YTHDF1: variants seen among roughly 807,000 people sequenced by gnomAD.
YTHDF1 encodes the protein YTH N6-methyladenosine RNA binding protein F1.
Under a neutral mutation model 49.1 loss-of-function variants are expected in YTHDF1, and 16 were observed. The observed-to-expected ratio is 0.33, with a 90% CI of 0.22 to 0.49. The LOEUF (loss-of-function observed/expected upper bound fraction) is 0.49, where lower values mean the gene tolerates loss of function less well. Ranked by LOEUF, YTHDF1 falls within the 20% of genes least tolerant of loss-of-function variation. The pLI, the probability that YTHDF1 is intolerant of heterozygous loss-of-function variation, is 0.99. For synonymous variants in YTHDF1, 313 were observed against 290.1 expected, an observed-to-expected ratio of 1.08 and a Z score of -0.80; for missense variants, 621 against 744.3, an observed-to-expected ratio of 0.83 and a Z score of 1.93.
rs575001163 is a variant in YTHDF1 at position 63,206,163 on chromosome 20, C to T, written c.133-2356G>A. On this transcript the variant is annotated intron_variant, in intron 3 of 4. Coordinates refer to ENST00000370339, the MANE Select transcript of YTHDF1 (RefSeq NM_017798.4). ...CCCTCCTCCTCCCATTAGCTGGACA[C>T]GTGCTCCTCAGCAGCGCTGCAATCA... Among the ~76,000 whole-genome samples the T allele has an allele frequency of 3.9e-5, 6 of 152,352 alleles. No individual in the cohort carries two copies. In the East Asian group the frequency reaches 7.7e-4, roughly 20 times the overall value.
intron 3 of YTHDF1, among the ~76,000 whole-genome samples, chr20:63,212,663 C>A (rs2066580708): frequency 6.6e-6 from 1 of 152,206 alleles, no homozygotes; most frequent in Non-Finnish European, 1.5e-5. Context: ...TAGACATAAA[C>A]AGATACCGCT....
intron 4 of YTHDF1, among the ~76,000 whole-genome samples, chr20:63,200,094 C>T (rs937684587): frequency 3.3e-5 from 5 of 152,046 alleles, no homozygotes; most frequent in African/African-American, 1.2e-4. Flanking sequence ...GGCACGGTGG[C>T]TCACACCTGT....
chr20:63,196,102 A>G lies in YTHDF1; in HGVS notation c.*606T>C, dbSNP rs2066491072. On this transcript the variant is annotated 3_prime_UTR_variant, in exon 5 of 5. Coordinates refer to ENST00000370339, the MANE Select transcript of YTHDF1 (RefSeq NM_017798.4). ...AGGGACGGGTGGCTGTTCAGTGGGCAACAGATCTGGAAGGAAAGATTTTCA... is the reference window on the plus strand; with the variant it reads ...AGGGACGGGTGGCTGTTCAGTGGGCGACAGATCTGGAAGGAAAGATTTTCA... 1 of 152,154 alleles carries G rather than the reference A, an allele frequency of 6.6e-6. No homozygotes were observed. The highest frequency in any genetic ancestry group is 1.5e-5 in the Non-Finnish European group (1 of 68,064). The allele number at this position is 152,154 out of a possible 1,614,324, so 9.4% of individuals were successfully genotyped here.
At position 63,196,620 on chromosome 20, in the gene YTHDF1, G is replaced by A. The variant is rs555429707; in HGVS notation, c.*88C>T. On this transcript the variant is annotated 3_prime_UTR_variant, in exon 5 of 5. Transcript: ENST00000370339. ...AAGATGCAACACTCAACCCCCGCAC[G>A]GGACGACACACTGGAGCTGACCAAG... 225 of 1,518,252 alleles carry A rather than the reference G, an allele frequency of 1.5e-4. No homozygotes were observed. The South Asian group carries it at 1.5e-3, about 10-fold the overall frequency. 94.0% of individuals were successfully genotyped at this position (1,518,252 alleles called of 1,614,324 possible).
chr20:63,207,370 G>GA (rs2066551611), intron 3 of YTHDF1, among the ~76,000 whole-genome samples: 1 of 152,108 alleles, frequency 6.6e-6, no homozygotes, highest in Admixed American at 6.5e-5. Context: ...TCAGGAGGCT[G>GA]AGGCAGGAGA....
chr20:63,197,748 A>G (rs919788041), intron 4 of YTHDF1, among the ~76,000 whole-genome samples: 5 of 152,062 alleles, frequency 3.3e-5, no homozygotes, highest in Admixed American at 6.6e-5. Flanking sequence ...TCTCGAAATA[A>G]AAACAAAACA....
At chr20:63,211,432 C>G (rs1361329321) in intron 3 of YTHDF1, among the ~76,000 whole-genome samples, 1 of 152,158 alleles carries the variant, frequency 6.6e-6, no homozygotes, top group Non-Finnish European at 1.5e-5. Flanking sequence ...ATCATGCACT[C>G]CAGCCTGGGC....
intron 4 of YTHDF1, among the ~76,000 whole-genome samples, chr20:63,199,468 G>A (rs575154440): frequency 1.3e-5 from 2 of 148,640 alleles, no homozygotes; most frequent in African/African-American, 5.0e-5. Flanking sequence ...GCAGTGAGCC[G>A]AGATCACACC....
In YTHDF1 at chr20:63,203,173, A is replaced by C. The variant is rs2066526843; in HGVS notation, c.767T>G (p.Met256Arg). The C allele has an allele frequency of 6.2e-7, 1 of 1,613,822 alleles. No homozygotes were observed. Among genetic ancestry groups the C allele is most frequent in the Non-Finnish European group, 8.5e-7 (1 of 1,180,020 alleles). Residue 256 changes from methionine (M) to arginine (R), a missense_variant, in exon 4 of 5, where the codon ATG (methionine) becomes AGG (arginine). This residue lies in a region of YTHDF1 where 470 missense variants were observed against 495.8 expected (regional missense o/e 0.95). Coordinates refer to ENST00000370339, the MANE Select transcript of YTHDF1 (RefSeq NM_017798.4). The surrounding 1 kb of genome is among the most constrained non-coding windows in gnomAD (Gnocchi z 4.4). Reference protein sequence around the residue: ...PKMKTKSGPVMGGGLPPPPIK... With the variant: ...PKMKTKSGPVRGGGLPPPPIK... ...GGGTGGAGGGGGCAGCCCACCCCCCATGACAGGCCCGCTCTTTGTTTTCAT... is the reference window on the plus strand; with the variant it reads ...GGGTGGAGGGGGCAGCCCACCCCCCCTGACAGGCCCGCTCTTTGTTTTCAT...
At chr20:63,213,444 T>C (rs6090309) in intron 3 of YTHDF1, among the ~76,000 whole-genome samples, 99,270 of 152,044 alleles carry the variant, frequency 0.65, 32,507 homozygotes, top group East Asian at 0.86. Flanking sequence ...AAAAAAGGAC[T>C]GAAACCCAGG....
chr20:63,211,951 T>C (rs895485346), intron 3 of YTHDF1, among the ~76,000 whole-genome samples: 7 of 136,712 alleles, frequency 5.1e-5, no homozygotes, highest in African/African-American at 2.0e-4. Context: ...CAGGACCCTG[T>C]CTCCAAAATA....
rs1042604600 is a variant in YTHDF1 at position 63,207,086 on chromosome 20, G to A, written c.133-3279C>T. Among the ~76,000 whole-genome samples, 3 of 152,374 alleles carry A rather than the reference G, an allele frequency of 2.0e-5. No homozygotes were observed. In the East Asian group the frequency reaches 5.8e-4, roughly 29 times the overall value. On this transcript the variant is annotated intron_variant, in intron 3 of 4. Coordinates refer to ENST00000370339, the MANE Select transcript of YTHDF1 (RefSeq NM_017798.4). Reference sequence around the variant, plus strand: ...CGCTCACTCGCTGCCAAGTGCTGGAGGCGAGCTGTGCTGCTCCCTCAACAT... The same window carrying A: ...CGCTCACTCGCTGCCAAGTGCTGGAAGCGAGCTGTGCTGCTCCCTCAACAT...
chr20:63,214,265 GC>G (rs1158117328), intron 2 of YTHDF1: 1 of 351,756 alleles, frequency 2.8e-6, no homozygotes, highest in African/African-American at 2.2e-5. Context: ...CTTATGTGTG[GC>G]AAAAAGAAGT....
At chr20:63,213,424 C>G (rs1357197185) in intron 3 of YTHDF1, among the ~76,000 whole-genome samples, 1 of 152,158 alleles carries the variant, frequency 6.6e-6, no homozygotes, top group Admixed American at 6.5e-5. Context: ...AAGAGTGAGA[C>G]GCTGTCTCAA....
intron 3 of YTHDF1, among the ~76,000 whole-genome samples, chr20:63,213,378 G>T (rs1399578045): frequency 6.6e-6 from 1 of 152,216 alleles, no homozygotes; most frequent in African/African-American, 2.4e-5. Context: ...GCTGCAGCAG[G>T]CTGAGATCAC....
chr20:63,198,768 C>T (rs944668190), intron 4 of YTHDF1, among the ~76,000 whole-genome samples: 6 of 152,176 alleles, frequency 3.9e-5, no homozygotes, highest in Non-Finnish European at 5.9e-5. Context: ...TCTGCTGAGC[C>T]GGCCTGGAGG....
At position 63,196,162 on chromosome 20, in the gene YTHDF1, A is replaced by ATTAAAAG. The variant is rs1156988568; in HGVS notation, c.*539_*545dup. 1 of 152,234 alleles carries ATTAAAAG rather than the reference A, an allele frequency of 6.6e-6. No homozygotes were observed. The highest frequency in any genetic ancestry group is 6.5e-5 in the Admixed American group (1 of 15,284). The allele number at this position is 152,234 out of a possible 1,614,324, so 9.4% of individuals were successfully genotyped here. On this transcript the variant is annotated 3_prime_UTR_variant, in exon 5 of 5. Transcript: ENST00000370339. ...AAAAAGTGTCTGCCAAATTTGAAAA[A>ATTAAAAG]TTAAAAGTTATCTGTCTAGCAGAAA...
chr20:63,216,038 G>A lies in YTHDF1; in HGVS notation c.-146C>T. The A allele has an allele frequency of 1.6e-6, 1 of 615,718 alleles. No homozygotes were observed. Among genetic ancestry groups the A allele is most frequent in the African/African-American group, 2.0e-5 (1 of 49,644 alleles). 38.1% of individuals were successfully genotyped at this position (615,718 alleles called of 1,614,324 possible). ...GCCGGGCGGCGGCGGCGGCTGCTGG[G>A]CGCGCGGGCCCCTGGCGAGGCGGCA... On this transcript the variant is annotated 5_prime_UTR_variant, in exon 1 of 5. Coordinates refer to ENST00000370339, the MANE Select transcript of YTHDF1 (RefSeq NM_017798.4).
Position 63,202,153 on chromosome 20 carries a change from G to A in YTHDF1, c.1653+134C>T, listed in dbSNP as rs982054951. ...CCAGGACCTGGGCCCGCCCACCTGC[G>A]GCCAACTGGGAGCTGCCTGTCACGA... On this transcript the variant is annotated intron_variant, in intron 4 of 4. Transcript: ENST00000370339. 2.3e-5 allele frequency: 28 copies of A among 1,238,056 alleles called. 1 individual carries two copies. The highest frequency in any genetic ancestry group is 2.2e-4 in the South Asian group (15 of 68,348). 76.7% of individuals were successfully genotyped at this position (1,238,056 alleles called of 1,614,324 possible). A position where few individuals can be genotyped will look rare whatever the true frequency, so the allele number is the denominator to read the frequency against.
Sources: gnomAD v4.1 joint callset for allele counts (sites outside exome capture counted in the v4.1 genomes callset) on GRCh38, gnomAD v4.1.1 for gene constraint, gnomAD v4.1.1 regional missense constraint, Gnocchi (gnomAD v3.1) non-coding constraint, MANE v1.5 for transcripts, NCBI Gene and HGNC (gene_info 2026-07-23, HGNC 2026-07-21) for gene names.